OVCH1: variants seen among roughly 807,000 people sequenced by gnomAD.
OVCH1 encodes the protein ovochymase 1.
A neutral mutation model predicts 138.4 loss-of-function variants in OVCH1; 139 were observed. That is an observed-to-expected ratio of 1.00 (90% confidence interval 0.87 to 1.16). The LOEUF (loss-of-function observed/expected upper bound fraction) is 1.16. Among genes scored for constraint, OVCH1 ranks in the 50% most tolerant of loss-of-function variants. The pLI is 0.00. For synonymous variants in OVCH1, 453 were observed against 467.8 expected, an observed-to-expected ratio of 0.97 and a Z score of 0.41; for missense variants, 1,367 against 1,357.9, an observed-to-expected ratio of 1.01 and a Z score of -0.11.
At chr12:29,490,961 C>G (rs947167499) in intron 5 of OVCH1, 136 bp downstream of exon 5, 1 of 704,966 alleles carries the variant, frequency 1.4e-6, no homozygotes, top group East Asian at 2.8e-5. Context: ...CTGAGGACTA[C>G]CAGAAATCTT....
intron 6 of OVCH1, among the ~76,000 whole-genome samples, chr12:29,488,554 G>A (rs1943179422): frequency 6.8e-6 from 1 of 147,380 alleles, no homozygotes; most frequent in Non-Finnish European, 1.5e-5. Flanking sequence ...GGGAGGCAGA[G>A]GTTGCCGTGA....
Position 29,471,907 on chromosome 12 carries a change from T to TG in OVCH1, c.1750dup (p.His584ProfsTer39), listed in dbSNP as rs1165174799. ...CAGACCCACCTGCCATGGCCAACAG[T>TG]GGGGGCAGGCTTCTTCCCCTCCTGC... On this transcript the variant is annotated frameshift_variant, in exon 16 of 28. Transcript: ENST00000318184. LOFTEE classifies it high-confidence loss of function. The TG allele has an allele frequency of 1.2e-6, 2 of 1,613,308 alleles. No homozygotes were observed. The highest frequency in any genetic ancestry group is 2.7e-5 in the African/African-American group (2 of 74,852).
At chr12:29,443,194 A>G in intron 25 of OVCH1, among the ~76,000 whole-genome samples, 167 bp downstream of exon 25, 1 of 152,212 alleles carries the variant, frequency 6.6e-6, no homozygotes, top group South Asian at 2.1e-4. Flanking sequence ...GAGATTTTAT[A>G]TCTTAATTTT....
chr12:29,444,024 G>A, intron 24 of OVCH1, 121 bp downstream of exon 24: 1 of 1,117,748 alleles, frequency 8.9e-7, no homozygotes, highest in South Asian at 1.9e-5. Flanking sequence ...GGTTACCTAA[G>A]AGTCTATTCT....
At chr12:29,442,851 A>C (rs1941523013) in intron 25 of OVCH1, among the ~76,000 whole-genome samples, 1 of 151,990 alleles carries the variant, frequency 6.6e-6, no homozygotes, top group Admixed American at 6.6e-5. Context: ...TAGGTATTTC[A>C]GTAGCATTTT....
At chr12:29,436,809 C>T (rs1027754818) in intron 26 of OVCH1, among the ~76,000 whole-genome samples, 1 of 151,900 alleles carries the variant, frequency 6.6e-6, no homozygotes, top group African/African-American at 2.4e-5. Context: ...TGCAGACCCT[C>T]GTGGTGAGTG....
chr12:29,450,609 G>A (rs1941760204), intron 22 of OVCH1, among the ~76,000 whole-genome samples: 1 of 152,130 alleles, frequency 6.6e-6, no homozygotes, highest in South Asian at 2.1e-4. Flanking sequence ...ACAGTGTCGC[G>A]ATTCCTCAAG....
intron 26 of OVCH1, chr12:29,439,177 C>T (rs1941421705): frequency 1.8e-6 from 1 of 546,052 alleles, no homozygotes; most frequent in Admixed American, 4.5e-5. Context: ...TATTCACCTT[C>T]CTACAATATG....
chr12:29,415,928 A>T lies in OVCH1; in HGVS notation c.*72-3203T>A, dbSNP rs535020816. ...TGTAGGTACAATAATATGTAGTAGTATGTGAAAGGATAGAAACATAGCTCA... is the reference window on the plus strand; with the variant it reads ...TGTAGGTACAATAATATGTAGTAGTTTGTGAAAGGATAGAAACATAGCTCA... On this transcript the variant is annotated intron_variant and NMD_transcript_variant, in intron 3 of 4. Coordinates refer to the OVCH1 transcript ENST00000539117. Among the ~76,000 whole-genome samples, 10 of 152,294 alleles carry T rather than the reference A, an allele frequency of 6.6e-5. No individual in the cohort carries two copies. The East Asian group carries it at 1.9e-3, about 29-fold the overall frequency.
chr12:29,488,854 A>G (rs1180692366), intron 6 of OVCH1, among the ~76,000 whole-genome samples: 1 of 152,184 alleles, frequency 6.6e-6, no homozygotes, highest in Non-Finnish European at 1.5e-5. Flanking sequence ...AAGCACCTTT[A>G]GCCTATCTGT....
At chr12:29,470,451 G>T (rs2136002803) in intron 16 of OVCH1, among the ~76,000 whole-genome samples, 1 of 152,114 alleles carries the variant, frequency 6.6e-6, no homozygotes, top group East Asian at 1.9e-4. Context: ...TCCCACTTAT[G>T]AGTGAGAACA....
the OVCH1 span, among the ~76,000 whole-genome samples, chr12:29,407,395 G>A: frequency 6.7e-6 from 1 of 148,968 alleles, no homozygotes; most frequent in Non-Finnish European, 1.5e-5. Flanking sequence ...CCTATGTACT[G>A]AATGGTATTG....
intron 14 of OVCH1, among the ~76,000 whole-genome samples, chr12:29,473,544 T>C (rs1319754323): frequency 6.6e-6 from 1 of 152,164 alleles, no homozygotes; most frequent in Non-Finnish European, 1.5e-5. Flanking sequence ...CCCACTTGGA[T>C]TTCCCACAAG....
chr12:29,455,305 G>A lies in OVCH1; in HGVS notation c.2381C>T (p.Pro794Leu), dbSNP rs200801556. Reference sequence around the variant, plus strand: ...GATCATCACTCTGGCAAATACACCCGGCTTCCATGGCTGGACACAGCCAGC... The same window carrying A: ...GATCATCACTCTGGCAAATACACCCAGCTTCCATGGCTGGACACAGCCAGC... Residue 794 changes from proline (P) to leucine (L), a missense_variant, in exon 20 of 28, where the codon CCG becomes CTG. Transcript: ENST00000318184. 3.2e-5 allele frequency: 51 copies of A among 1,613,776 alleles called. No homozygotes were observed. In the African/African-American group the frequency reaches 3.9e-4, roughly 12 times the overall value.
chr12:29,459,149 A>G (rs1942048224), intron 19 of OVCH1, among the ~76,000 whole-genome samples: 1 of 152,216 alleles, frequency 6.6e-6, no homozygotes, highest in East Asian at 1.9e-4. Context: ...TCCAAAAGAA[A>G]GGAAATCAAG....
At chr12:29,478,835 T>G (rs1942829826) in exon 9 of OVCH1, 2 of 1,574,578 alleles carry the variant, frequency 1.3e-6, no homozygotes, top group East Asian at 4.7e-5. Context: ...ACATACTTAC[T>G]AAAAAGCACT....
chr12:29,444,356 A>C, intron 23 of OVCH1, 76 bp from the exon 24 acceptor site: 1 of 1,405,106 alleles, frequency 7.1e-7, no homozygotes, highest in Non-Finnish European at 9.7e-7. Flanking sequence ...TTTCAGATCA[A>C]GGTAAACAGC....
chr12:29,467,296 A>C (rs915822145), intron 16 of OVCH1, among the ~76,000 whole-genome samples: 1 of 152,214 alleles, frequency 6.6e-6, no homozygotes, highest in African/African-American at 2.4e-5. Flanking sequence ...GGTAGAATTG[A>C]CAATGTAGTC....
At chr12:29,448,639 A>G (rs117236034) in intron 22 of OVCH1, among the ~76,000 whole-genome samples, 3,605 of 152,162 alleles carry the variant, frequency 0.024, 69 homozygotes, top group South Asian at 0.045. Context: ...ATCAAAGGGG[A>G]TGGAGGAGGT....
Sources: allele counts gnomAD v4.1 joint callset (sites outside exome capture counted in the v4.1 genomes callset), GRCh38; gene constraint gnomAD v4.1.1; transcripts MANE v1.5; gene names NCBI Gene and HGNC (gene_info 2026-07-23, HGNC 2026-07-21).